The following KHDRBS3 variants were observed in gnomAD, a reference collection of about 807,000 sequenced individuals.
KHDRBS3 encodes the protein KH RNA binding domain containing, signal transduction associated 3.
In KHDRBS3, 23 loss-of-function variants were observed where a neutral mutation model predicts 45.6. That is an observed-to-expected ratio of 0.50 (90% CI 0.36 to 0.72). KHDRBS3 has a LOEUF of 0.72. KHDRBS3 is among the 30% of genes least tolerant of loss of function. KHDRBS3 has a pLI of 0.00. For synonymous variants in KHDRBS3, 162 were observed against 156.5 expected, an observed-to-expected ratio of 1.04 and a Z score of -0.26; for missense variants, 352 against 424.8, an observed-to-expected ratio of 0.83 and a Z score of 1.51.
chr8:135,543,466 A>G (rs899745942), intron 3 of KHDRBS3, among the ~76,000 whole-genome samples: 5 of 152,198 alleles, frequency 3.3e-5, no homozygotes, highest in African/African-American at 1.2e-4. Flanking sequence ...CCAAATCCAC[A>G]TTGAGTGATC....
chr8:135,477,334 TAAA>T (rs1175213981), intron 1 of KHDRBS3, among the ~76,000 whole-genome samples: 1 of 152,224 alleles, frequency 6.6e-6, no homozygotes. Context: ...TGCTGTGCTG[TAAA>T]AAGTGTATCT....
chr8:135,562,047 A>C (rs1827195232), intron 5 of KHDRBS3, among the ~76,000 whole-genome samples: 1 of 152,202 alleles, frequency 6.6e-6, no homozygotes, highest in Non-Finnish European at 1.5e-5. Flanking sequence ...TTTTTGAAGA[A>C]AGGAAAATAT....
At chr8:135,567,370 ATATTTTCATTAG>A (rs1827479100) in intron 5 of KHDRBS3, among the ~76,000 whole-genome samples, 1 of 152,126 alleles carries the variant, frequency 6.6e-6, no homozygotes, top group Non-Finnish European at 1.5e-5. Context: ...TTTCATTAGT[ATATTTTCATTAG>A]TATATTTCCC....
intron 5 of KHDRBS3, among the ~76,000 whole-genome samples, chr8:135,571,390 T>C (rs1827696260): frequency 6.6e-6 from 1 of 152,208 alleles, no homozygotes; most frequent in South Asian, 2.1e-4. Flanking sequence ...ATCATCTGTT[T>C]CTGAAGCTAG....
intron 1 of KHDRBS3, among the ~76,000 whole-genome samples, chr8:135,486,160 A>G (rs1364491451): frequency 6.6e-6 from 1 of 150,444 alleles, no homozygotes; most frequent in Non-Finnish European, 1.5e-5. Flanking sequence ...TCAGTGAGAC[A>G]GGGGGTGATG....
At chr8:135,464,243 G>T (rs1324582721) in intron 1 of KHDRBS3, among the ~76,000 whole-genome samples, 2 of 152,136 alleles carry the variant, frequency 1.3e-5, no homozygotes. Context: ...TTTAAAAGGG[G>T]TTACTGAAAA....
At chr8:135,524,281 C>T (rs1298019404) in intron 2 of KHDRBS3, among the ~76,000 whole-genome samples, 2 of 152,164 alleles carry the variant, frequency 1.3e-5, no homozygotes, top group African/African-American at 4.8e-5. Context: ...GGATTACAGG[C>T]AGAAGCCACC....
rs117565250 is a variant in KHDRBS3, at chr8:135,636,251, C to A, written c.891-8808C>A. Reference sequence around the variant, plus strand: ...CTTCAGTGTGCCCCAGAATTGCTTTCAAGAGCACTTTTCCCGTCATCATAC... The same window carrying A: ...CTTCAGTGTGCCCCAGAATTGCTTTAAAGAGCACTTTTCCCGTCATCATAC... On this transcript the variant is annotated intron_variant, in intron 7 of 8. Transcript: ENST00000355849. Among the ~76,000 whole-genome samples, 12 of 152,282 alleles carry A rather than the reference C, an allele frequency of 7.9e-5. No individual in the cohort carries two copies. The East Asian group carries it at 2.3e-3, about 29-fold the overall frequency.
intron 4 of KHDRBS3, among the ~76,000 whole-genome samples, chr8:135,554,032 AG>A (rs1488053073): frequency 6.6e-6 from 1 of 152,212 alleles, no homozygotes; most frequent in Admixed American, 6.5e-5. Context: ...ATTTGACACC[AG>A]GAGAAACAGT....
intron 7 of KHDRBS3, among the ~76,000 whole-genome samples, chr8:135,630,482 A>AATGTGTGTATGT (rs1554642694): frequency 1.3e-5 from 2 of 150,886 alleles, no homozygotes; most frequent in Non-Finnish European, 2.9e-5. Flanking sequence ...TATAAAGTTT[A>AATGTGTGTATGT]ATGTATGTAT....
At chr8:135,482,141 ACTT>A (rs1192869656) in intron 1 of KHDRBS3, among the ~76,000 whole-genome samples, 2 of 152,208 alleles carry the variant, frequency 1.3e-5, no homozygotes, top group African/African-American at 2.4e-5. Context: ...TTGGAGAAGC[ACTT>A]CTTTCTGGTT....
chr8:135,572,491 A>G (rs1827750879), intron 5 of KHDRBS3, among the ~76,000 whole-genome samples: 1 of 152,168 alleles, frequency 6.6e-6, no homozygotes, highest in African/African-American at 2.4e-5. Context: ...TGCATTGAAG[A>G]TTGGATGAAA....
chr8:135,457,889 A>T lies in KHDRBS3; in HGVS notation c.23A>T (p.Glu8Val). 6.3e-7 allele frequency: 1 copy of T among 1,598,760 alleles called. No individual in the cohort carries two copies. The highest frequency in any genetic ancestry group is 8.5e-7 in the Non-Finnish European group (1 of 1,173,696). Residue 8 changes from glutamate to valine, a missense_variant, in exon 1 of 9, where the codon GAG becomes GTG. By Grantham distance (121) the Glu-to-Val change is moderately radical (BLOSUM62 -2). This residue lies in a region of KHDRBS3 where 58 missense variants were observed against 64.5 expected (regional missense o/e 0.90). Transcript: ENST00000355849. The surrounding 1 kb of genome is among the most constrained non-coding windows in gnomAD (Gnocchi z 4.4). ...AGCATGGAGGAGAAGTACCTGCCCG[A>T]GCTGATGGCGGAGAAGGACTCCCTG... MEEKYLP[E>V]LMAEKDSLDP...
In KHDRBS3 at chr8:135,645,090, C is replaced by T. The variant is rs748605344; in HGVS notation, c.922C>T (p.Leu308Phe). Residue 308 changes from leucine (L) to phenylalanine (F), a missense_variant, in exon 8 of 9, where the codon CTC becomes TTC. By Grantham distance (22) the Leu-to-Phe change is conservative. Transcript: ENST00000355849. Reference protein sequence around the residue: ...GADYYDYGHGLSEETYDSYGQ... With the variant: ...GADYYDYGHGFSEETYDSYGQ... ...TGATTACTATGATTACGGACATGGA[C>T]TCAGTGAGGAGACTTATGATTCCTA... The T allele has an allele frequency of 9.3e-6, 15 of 1,613,578 alleles. No individual in the cohort carries two copies. Among genetic ancestry groups the T allele is most frequent in the Non-Finnish European group, 1.2e-5 (14 of 1,179,890 alleles).
intron 2 of KHDRBS3, chr8:135,540,778 T>G (rs559540231): frequency 6.6e-6 from 1 of 152,216 alleles, no homozygotes; most frequent in Non-Finnish European, 1.5e-5. Context: ...ATAACTCAGC[T>G]GCCATATTTG....
intron 7 of KHDRBS3, among the ~76,000 whole-genome samples, chr8:135,615,304 T>C (rs1276177660): frequency 1.3e-5 from 2 of 148,986 alleles, no homozygotes; most frequent in Non-Finnish European, 2.9e-5. Context: ...AATGTTAGCA[T>C]GTGTAAGTAT....
At chr8:135,472,510 G>GT (rs147681913) in intron 1 of KHDRBS3, among the ~76,000 whole-genome samples, 16,137 of 152,202 alleles carry the variant, frequency 0.11, 952 homozygotes, top group East Asian at 0.18. Context: ...AATGAATGAC[G>GT]TATGTGAAAG....
chr8:135,467,671 G>T (rs1295560516), intron 1 of KHDRBS3, among the ~76,000 whole-genome samples: 2 of 152,252 alleles, frequency 1.3e-5, no homozygotes, highest in African/African-American at 4.8e-5. Flanking sequence ...TGCCACCGAG[G>T]TGATGGTAGG....
At position 135,604,518 on chromosome 8, in the gene KHDRBS3, GT is replaced by G. The variant is rs200421221; in HGVS notation, c.808-2427del. On this transcript the variant is annotated intron_variant, in intron 6 of 8. Transcript: ENST00000355849. The stretch of plus-strand genomic sequence containing the variant: ...CTTACTTCCTTCTTTTGTGTTAAAT[GT>G]TTTTTTTTTCACTGCACTGCTTTAT... Among the ~76,000 whole-genome samples the G allele has an allele frequency of 3.6e-3, 522 of 144,106 alleles. 7 individuals are homozygous for G. Among genetic ancestry groups the G allele is most frequent in the African/African-American group, 0.012 (471 of 39,346 alleles). The allele number at this position is 144,106 out of a possible 152,430, so 94.5% of individuals were successfully genotyped here. A position where few individuals can be genotyped will look rare whatever the true frequency, so the allele number is the denominator to read the frequency against.
Sources: allele counts gnomAD v4.1 joint callset (sites outside exome capture counted in the v4.1 genomes callset), GRCh38; gene constraint gnomAD v4.1.1; regional missense constraint gnomAD v4.1.1; non-coding constraint Gnocchi (gnomAD v3.1); transcripts MANE v1.5; gene names NCBI Gene and HGNC (gene_info 2026-07-23, HGNC 2026-07-21).